The following OR14A2 variants were observed in gnomAD, a reference collection of about 807,000 sequenced individuals.
OR14A2 encodes olfactory receptor 14A2.
For missense variants in OR14A2, 237 were observed against 152.9 expected (o/e 1.55, Z -2.90); for synonymous variants, 114 against 58.6 (o/e 1.95, Z -4.32).
At chr1:247,736,352 A>G in the OR14A2 span, among the ~76,000 whole-genome samples, 4 of 152,204 alleles carry the variant, frequency 2.6e-5, no homozygotes, top group Non-Finnish European at 2.9e-5. Context: ...TATTTTGTGT[A>G]TTATATGTAT....
chr1:247,729,738 C>A, the OR14A2 span, among the ~76,000 whole-genome samples: 1 of 151,970 alleles, frequency 6.6e-6, no homozygotes, highest in South Asian at 2.1e-4. Context: ...CACACAAAAA[C>A]CCCACAGAAT....
the OR14A2 span, among the ~76,000 whole-genome samples, chr1:247,735,348 G>A: frequency 6.6e-6 from 1 of 152,192 alleles, no homozygotes; most frequent in East Asian, 1.9e-4. Context: ...TCAATTTAAA[G>A]AGTCTGTGTA....
the OR14A2 span, among the ~76,000 whole-genome samples, chr1:247,736,864 G>C: frequency 6.6e-6 from 1 of 152,192 alleles, no homozygotes; most frequent in Non-Finnish European, 1.5e-5. Context: ...TTGCTCTAAA[G>C]CTAGGGCCAG....
downstream of OR14A2, chr1:247,723,096 G>T (rs746263166): frequency 2.8e-5 from 20 of 707,088 alleles, no homozygotes; most frequent in Middle Eastern, 2.3e-4. Context: ...GAACTTGAAA[G>T]TGTTAAATGA....
chr1:247,726,714 G>T, upstream of OR14A2, among the ~76,000 whole-genome samples: 1 of 146,472 alleles, frequency 6.8e-6, no homozygotes, highest in Non-Finnish European at 1.5e-5. Flanking sequence ...TTTGTATAAG[G>T]TGTAAGGAAG....
chr1:247,746,055 G>A, the OR14A2 span: 2 of 152,184 alleles, frequency 1.3e-5, no homozygotes, highest in African/African-American at 4.8e-5. Context: ...TGCCCTGTCT[G>A]GACAAGATTG....
the OR14A2 span, among the ~76,000 whole-genome samples, chr1:247,729,750 CT>C: frequency 2.6e-5 from 4 of 152,074 alleles, no homozygotes; most frequent in Non-Finnish European, 5.9e-5. Context: ...CCACAGAATA[CT>C]ATTCTCAATG....
chr1:247,729,137 A>G, the OR14A2 span, among the ~76,000 whole-genome samples: 1 of 152,106 alleles, frequency 6.6e-6, no homozygotes, highest in Non-Finnish European at 1.5e-5. Flanking sequence ...GCACTTGGCT[A>G]ATACTTTAGA....
At chr1:247,745,462 A>G in the OR14A2 span, among the ~76,000 whole-genome samples, 1 of 152,030 alleles carries the variant, frequency 6.6e-6, no homozygotes, top group Non-Finnish European at 1.5e-5. Context: ...AGGAGAGAAA[A>G]AAATCTTCCC....
At chr1:247,747,783 T>C in the OR14A2 span, among the ~76,000 whole-genome samples, 4 of 152,236 alleles carry the variant, frequency 2.6e-5, no homozygotes, top group Non-Finnish European at 5.9e-5. Flanking sequence ...CTGGAATTTT[T>C]TGTAAGGAAT....
upstream of OR14A2, among the ~76,000 whole-genome samples, chr1:247,727,154 C>T (rs1285660007): frequency 6.0e-5 from 9 of 149,178 alleles, no homozygotes; most frequent in African/African-American, 2.3e-4. Flanking sequence ...ATTGATTCTT[C>T]CTACCCATGA....
exon 1 of OR14A2, chr1:247,723,599 T>C: frequency 1.4e-6 from 1 of 718,296 alleles, no homozygotes; most frequent in Non-Finnish European, 2.6e-6. Flanking sequence ...AGCCCTCCAA[T>C]GGCCCAGGAA....
chr1:247,739,620 T>C, the OR14A2 span: 1 of 667,352 alleles, frequency 1.5e-6, no homozygotes, highest in Non-Finnish European at 2.7e-6. Context: ...CCACTAGCTG[T>C]TTAAAATTAT....
chr1:247,744,978 A>G, the OR14A2 span, among the ~76,000 whole-genome samples: 1 of 152,170 alleles, frequency 6.6e-6, no homozygotes, highest in Non-Finnish European at 1.5e-5. The surrounding 1 kb of genome is among the most constrained non-coding windows in gnomAD (Gnocchi z 4.3). Flanking sequence ...ACTTGGTGTC[A>G]GTCTAGAGCC....
upstream of OR14A2, among the ~76,000 whole-genome samples, chr1:247,728,861 T>A (rs989528087): frequency 2.0e-5 from 3 of 152,066 alleles, no homozygotes; most frequent in African/African-American, 7.2e-5. Context: ...CCTCCCAGAA[T>A]AAAAAGTTTA....
chr1:247,730,202 G>C, the OR14A2 span, among the ~76,000 whole-genome samples: 1 of 151,966 alleles, frequency 6.6e-6, no homozygotes, highest in Non-Finnish European at 1.5e-5. Flanking sequence ...TGGCCCTCAC[G>C]TAGTTTACTT....
At chr1:247,747,600 G>A in the OR14A2 span, among the ~76,000 whole-genome samples, 2 of 152,176 alleles carry the variant, frequency 1.3e-5, no homozygotes, top group South Asian at 4.2e-4. Flanking sequence ...CTGACCTCAT[G>A]ATCCGCCCGC....
Position 247,723,851 on chromosome 1 carries a change from A to ATAAG in OR14A2, c.189_192dup (p.Ser65LeufsTer56). The ATAAG allele has an allele frequency of 2.8e-6, 2 of 717,930 alleles. No homozygotes were observed. The highest frequency in any genetic ancestry group is 5.2e-6 in the Non-Finnish European group (2 of 385,064). 44.5% of individuals were successfully genotyped at this position (717,930 alleles called of 1,614,324 possible). On this transcript the variant is annotated frameshift_variant, in exon 1 of 1. Coordinates refer to ENST00000366485, the Ensembl canonical transcript of OR14A2. LOFTEE classifies it low-confidence loss of function (END_TRUNC). Reference sequence around the variant, plus strand: ...GACACCAGGAAGACATCCAAAAAGGATAAGTTCTTCAGGAAGAAGTACATG... The same window carrying ATAAG: ...GACACCAGGAAGACATCCAAAAAGGATAAGTAAGTTCTTCAGGAAGAAGTACATG...
At chr1:247,746,544 A>G in the OR14A2 span, 1 of 152,234 alleles carries the variant, frequency 6.6e-6, no homozygotes, top group Non-Finnish European at 1.5e-5. Flanking sequence ...CGTATAGGAC[A>G]TTCTAGCATA....
Sources: gnomAD v4.1 joint callset for allele counts (sites outside exome capture counted in the v4.1 genomes callset) on GRCh38, gnomAD v4.1.1 for gene constraint, Gnocchi (gnomAD v3.1) non-coding constraint, MANE v1.5 for transcripts, NCBI Gene and HGNC (gene_info 2026-07-23, HGNC 2026-07-21) for gene names.